PRKN: variants seen among roughly 807,000 people sequenced by gnomAD.
The protein encoded by PRKN is E3 ubiquitin-protein ligase parkin.
PRKN carries 56 observed loss-of-function variants against 59.5 expected under a neutral mutation model. That is an observed-to-expected ratio of 0.94 (90% CI 0.76 to 1.18). PRKN has a LOEUF of 1.18. Ranked by LOEUF, PRKN falls within the 50% of genes most tolerant of loss-of-function variation. PRKN has a pLI of 0.00. For synonymous variants in PRKN, 250 were observed against 222.1 expected (o/e 1.13, Z -1.12); for missense variants, 657 against 596.4 (o/e 1.10, Z -1.06).
intron 2 of PRKN, among the ~76,000 whole-genome samples, chr6:162,283,427 T>A (rs1230490578): frequency 6.6e-6 from 1 of 152,194 alleles, no homozygotes; most frequent in Non-Finnish European, 1.5e-5. Context: ...TCTTTGTGAG[T>A]GCTCCAGTAA....
At chr6:162,093,548 C>T (rs1255415547) in intron 4 of PRKN, among the ~76,000 whole-genome samples, 1 of 152,168 alleles carries the variant, frequency 6.6e-6, no homozygotes, top group Non-Finnish European at 1.5e-5. Flanking sequence ...CCCAATTATA[C>T]AATTTAGCCC....
At chr6:162,324,647 C>T (rs1228396597) in intron 2 of PRKN, among the ~76,000 whole-genome samples, 1 of 152,012 alleles carries the variant, frequency 6.6e-6, no homozygotes, top group Non-Finnish European at 1.5e-5. Flanking sequence ...TCACAACTTG[C>T]ACACACACTA....
chr6:162,103,919 G>A (rs188359726), intron 4 of PRKN, among the ~76,000 whole-genome samples: 3 of 152,302 alleles, frequency 2.0e-5, no homozygotes, highest in East Asian at 3.9e-4. Context: ...CGAGAGGGTC[G>A]GCCTTATACG....
At chr6:162,374,512 A>G (rs905414136) in intron 2 of PRKN, among the ~76,000 whole-genome samples, 4 of 151,794 alleles carry the variant, frequency 2.6e-5, no homozygotes, top group African/African-American at 9.7e-5. Context: ...ATAGCCTCTT[A>G]TAATTTTATG....
chr6:161,710,400 T>C (rs1786687807), intron 7 of PRKN, among the ~76,000 whole-genome samples: 1 of 152,144 alleles, frequency 6.6e-6, no homozygotes. Flanking sequence ...ATATTTTCAA[T>C]TTAGGATGGG....
Position 161,588,292 on chromosome 6 carries a change from G to A in PRKN, c.872-18876C>T, listed in dbSNP as rs371558070. Among the ~76,000 whole-genome samples the A allele has an allele frequency of 2.6e-5, 4 of 152,180 alleles. No homozygotes were observed. The highest frequency in any genetic ancestry group is 9.6e-5 in the African/African-American group (4 of 41,524). On this transcript the variant is annotated intron_variant, in intron 7 of 11. Coordinates refer to ENST00000366898, the MANE Select transcript of PRKN (RefSeq NM_004562.3). This position sits in a 1 kb window ranked among gnomAD's most constrained non-coding sequence, Gnocchi z 5.0. ...CCAGCTACCTGGGAGGCTGAGGCAG[G>A]AGAATTGCCTCAGGAGGAGGCAGGT...
chr6:162,252,705 GC>G (rs1204933310), intron 3 of PRKN, among the ~76,000 whole-genome samples: 2 of 152,322 alleles, frequency 1.3e-5, no homozygotes, highest in Non-Finnish European at 2.9e-5. Context: ...CTTTAAAGGT[GC>G]CTTGTTCTTT....
At chr6:162,356,917 C>A (rs1784893831) in intron 2 of PRKN, among the ~76,000 whole-genome samples, 4 of 151,996 alleles carry the variant, frequency 2.6e-5, no homozygotes, top group Admixed American at 6.6e-5. Flanking sequence ...AAATAGCCAT[C>A]CACATGCAAA....
chr6:161,418,921 T>G (rs759961038), intron 9 of PRKN, among the ~76,000 whole-genome samples: 2 of 152,218 alleles, frequency 1.3e-5, no homozygotes, highest in African/African-American at 4.8e-5. Flanking sequence ...CGGTGGAGTT[T>G]TCTAGCGTTC....
At chr6:162,522,950 T>G (rs2128194051) in intron 1 of PRKN, among the ~76,000 whole-genome samples, 1 of 152,328 alleles carries the variant, frequency 6.6e-6, no homozygotes, top group Non-Finnish European at 1.5e-5. Context: ...CAATCAACTC[T>G]TGCTCCTCAA....
At position 161,386,860 on chromosome 6, in the gene PRKN, T is replaced by C. The variant is rs1052749492; in HGVS notation, c.1101A>G (p.Glu367=). 7.4e-6 allele frequency: 12 copies of C among 1,613,914 alleles called. No individual in the cohort carries two copies. The South Asian group carries it at 8.8e-5, about 12-fold the overall frequency. Residue 367 remains glutamate (E), a synonymous_variant, in exon 10 of 12, where the codon GAA becomes GAG. Coordinates refer to ENST00000366898, the MANE Select transcript of PRKN (RefSeq NM_004562.3). This position sits in a 1 kb window ranked among gnomAD's most constrained non-coding sequence, Gnocchi z 4.3. ...GLGCGFAFCR[E]CKEAYHEGEC... is the part of the protein sequence containing the mutation. ...CCCCTTCATGGTACGCTTCTTTACA[T>C]TCCCGGCAGAAGGCAAACTGCAAAA...
chr6:162,172,872 C>T (rs552726771), intron 4 of PRKN, among the ~76,000 whole-genome samples: 2 of 152,076 alleles, frequency 1.3e-5, no homozygotes. Flanking sequence ...GGCAGATAAG[C>T]ACAGAGTCCA....
chr6:161,599,046 A>G (rs1782017479), intron 7 of PRKN, among the ~76,000 whole-genome samples: 1 of 152,178 alleles, frequency 6.6e-6, no homozygotes. Flanking sequence ...ATGCAGCCAC[A>G]AGCCGAGGAA....
chr6:162,278,489 C>T (rs1203631845), intron 2 of PRKN, among the ~76,000 whole-genome samples: 2 of 151,980 alleles, frequency 1.3e-5, no homozygotes, highest in African/African-American at 4.8e-5. Flanking sequence ...AAAAAATGTA[C>T]CGCTCTGGTG....
intron 4 of PRKN, among the ~76,000 whole-genome samples, chr6:162,073,664 C>A (rs550883896): frequency 6.6e-6 from 1 of 152,314 alleles, no homozygotes; most frequent in East Asian, 1.9e-4. Context: ...GTTGGCCAGA[C>A]TGGTGTGGAA....
At chr6:161,803,965 T>C (rs1209653929) in intron 6 of PRKN, among the ~76,000 whole-genome samples, 1 of 152,206 alleles carries the variant, frequency 6.6e-6, no homozygotes, top group East Asian at 1.9e-4. Context: ...GTGTTGCCGA[T>C]GTGTAGAGGT....
intron 4 of PRKN, among the ~76,000 whole-genome samples, chr6:162,058,540 G>A (rs1051854241): frequency 3.3e-5 from 5 of 152,252 alleles, no homozygotes; most frequent in East Asian, 1.9e-4. Context: ...AATCCATTTC[G>A]CTGTGGTTAA....
chr6:162,679,163 A>C (rs1779675468), intron 1 of PRKN, among the ~76,000 whole-genome samples: 5 of 147,342 alleles, frequency 3.4e-5, no homozygotes. Context: ...GCAATGGTGC[A>C]ATCTCGCCTC....
At chr6:161,830,151 C>T (rs530350489) in intron 6 of PRKN, among the ~76,000 whole-genome samples, 6 of 152,300 alleles carry the variant, frequency 3.9e-5, no homozygotes, top group African/African-American at 9.6e-5. Context: ...AAACCATGCC[C>T]CACAGTTAAG....
Sources: allele counts gnomAD v4.1 joint callset (sites outside exome capture counted in the v4.1 genomes callset), GRCh38; gene constraint gnomAD v4.1.1; non-coding constraint Gnocchi (gnomAD v3.1); transcripts MANE v1.5; gene names NCBI Gene and HGNC (gene_info 2026-07-23, HGNC 2026-07-21).